Variants in CHRDL2 observed in about 807,000 individuals in gnomAD.
CHRDL2 encodes chordin like 2.
Under a neutral mutation model 54.3 loss-of-function variants are expected in CHRDL2, and 41 were observed. The ratio of observed to expected loss-of-function variants is 0.76; its 90% CI spans 0.59 to 0.98. The LOEUF is 0.98. Ranked by LOEUF, CHRDL2 falls within the 50% of genes least tolerant of loss-of-function variation. The probability of loss-of-function intolerance (pLI) is 0.00; values close to 1 mark genes in which losing one functional copy is unlikely to be tolerated. For synonymous variants in CHRDL2, 220 were observed against 224.3 expected (o/e 0.98, Z 0.17); for missense variants, 518 against 562.4 (o/e 0.92, Z 0.80).
Position 74,702,891 on chromosome 11 carries a change from G to A in CHRDL2, c.1023C>T (p.His341=), listed in dbSNP as rs780529465. The change falls in exon 9 of 11, where the codon CAC becomes CAT. Residue 341 remains histidine, a synonymous_variant. Coordinates refer to ENST00000376332, the MANE Select transcript of CHRDL2 (RefSeq NM_001278473.3). The part of the protein sequence containing the change: ...CPKAPGRVLV[H]TSVSPSPDNL... ...TGTCTGGGCTTGGGGATACCGATGT[G>A]TGGACGAGGACCCGGCCCGGTGCCT... 1.9e-6 allele frequency: 3 copies of A among 1,614,074 alleles called. No individual in the cohort carries two copies. Among genetic ancestry groups the A allele is most frequent in the Admixed American group, 1.7e-5 (1 of 60,004 alleles).
intron 1 of CHRDL2, among the ~76,000 whole-genome samples, chr11:74,728,623 T>G (rs1447102919): frequency 1.3e-5 from 2 of 152,080 alleles, no homozygotes; most frequent in African/African-American, 4.8e-5. Flanking sequence ...TTCCTCTCCC[T>G]CTCAGCCTCC....
At chr11:74,709,454 C>T (rs913787933) in intron 4 of CHRDL2, among the ~76,000 whole-genome samples, 2 of 152,182 alleles carry the variant, frequency 1.3e-5, no homozygotes, top group Non-Finnish European at 2.9e-5. Flanking sequence ...ATAGTGATAT[C>T]CTTCTCCTAG....
intron 5 of CHRDL2, among the ~76,000 whole-genome samples, chr11:74,707,385 C>T (rs2034044036): frequency 6.6e-6 from 1 of 152,228 alleles, no homozygotes; most frequent in South Asian, 2.1e-4. Flanking sequence ...GTGCCACCTC[C>T]TCCAGGAGGC....
At chr11:74,706,632 T>C in intron 5 of CHRDL2, 90 bp from the exon 6 acceptor site, 2 of 1,248,834 alleles carry the variant, frequency 1.6e-6, no homozygotes, top group Non-Finnish European at 2.3e-6. Context: ...GCTCTGTCCA[T>C]TCCCAAGGCC....
chr11:74,702,641 C>A, intron 9 of CHRDL2, 153 bp downstream of exon 9: 1 of 701,640 alleles, frequency 1.4e-6, no homozygotes, highest in South Asian at 1.8e-5. Flanking sequence ...GGCTCACTAT[C>A]TTCCTGCATC....
In CHRDL2 at chr11:74,731,272, G is replaced by A. The variant is rs1351070408; in HGVS notation, c.-384C>T. On this transcript the variant is annotated 5_prime_UTR_variant, in exon 1 of 11. Coordinates refer to ENST00000376332, the MANE Select transcript of CHRDL2 (RefSeq NM_001278473.3). The surrounding 1 kb of genome is among the most constrained non-coding windows in gnomAD (Gnocchi z 4.4). ...GGCGCGCGGGACCAGCGGGTGTTGC[G>A]GGCGCGCGGGCTAGAGGCGGCCGGC... The A allele has an allele frequency of 4.6e-5, 7 of 153,706 alleles. No homozygotes were observed. The highest frequency in any genetic ancestry group is 1.0e-4 in the Non-Finnish European group (7 of 69,418). The allele number at this position is 153,706 out of a possible 1,614,324, so 9.5% of individuals were successfully genotyped here.
intron 9 of CHRDL2, chr11:74,698,418 G>A (rs10219235): frequency 0.22 from 34,081 of 151,836 alleles, 4,031 homozygotes; most frequent in East Asian, 0.34. Context: ...TGTGCTCCAA[G>A]CCTTAGCTGG....
intron 1 of CHRDL2, among the ~76,000 whole-genome samples, chr11:74,729,868 T>C (rs1224488385): frequency 6.6e-6 from 1 of 152,128 alleles, no homozygotes; most frequent in Non-Finnish European, 1.5e-5. Flanking sequence ...CACCAGCCTA[T>C]TGTGGGCGCA....
At chr11:74,726,297 A>G (rs1050914332) in intron 1 of CHRDL2, among the ~76,000 whole-genome samples, 8 of 152,224 alleles carry the variant, frequency 5.3e-5, no homozygotes, top group Admixed American at 2.0e-4. Flanking sequence ...TGGGAAATTG[A>G]GTCCCAGAGA....
At chr11:74,703,077 T>A in intron 8 of CHRDL2, 110 bp from the exon 9 acceptor site, 1 of 1,176,152 alleles carries the variant, frequency 8.5e-7, no homozygotes, top group Non-Finnish European at 1.2e-6. Context: ...CATTACTGAT[T>A]CTATGTTAAC....
intron 3 of CHRDL2, among the ~76,000 whole-genome samples, 154 bp downstream of exon 3, chr11:74,713,232 T>C (rs1244160731): frequency 6.6e-6 from 1 of 152,196 alleles, no homozygotes; most frequent in Non-Finnish European, 1.5e-5. Context: ...TGCCTGGGGA[T>C]CTGGGATATT....
chr11:74,718,522 T>G (rs1018293266), intron 2 of CHRDL2, among the ~76,000 whole-genome samples, 198 bp downstream of exon 2: 2 of 152,206 alleles, frequency 1.3e-5, no homozygotes, highest in Non-Finnish European at 2.9e-5. Flanking sequence ...AATGTTTGTG[T>G]GACTTATCTT....
chr11:74,704,445 C>G, intron 7 of CHRDL2, 41 bp downstream of exon 7: 1 of 1,569,562 alleles, frequency 6.4e-7, no homozygotes, highest in South Asian at 1.2e-5. Flanking sequence ...TCAGGGCCCC[C>G]CTTCCCTGCC....
rs1478977515 is a variant in CHRDL2, at chr11:74,696,557, G to C, written c.1242C>G (p.Thr414=). The change falls in exon 11 of 11, where the codon ACC becomes ACG. Residue 414 remains threonine, a synonymous_variant. Coordinates refer to ENST00000376332, the MANE Select transcript of CHRDL2 (RefSeq NM_001278473.3). ...EGHWNVFLAQ[T]LELKVTASPD... ...GACTGGCCGTGACCTTCAGCTCCAG[G>C]GTCTGGGCTAGGAAGACGTTCCAGT... 1 of 1,614,066 alleles carries C rather than the reference G, an allele frequency of 6.2e-7. No individual in the cohort carries two copies. The highest frequency in any genetic ancestry group is 8.5e-7 in the Non-Finnish European group (1 of 1,179,998).
At chr11:74,723,853 C>T (rs770482952) in intron 1 of CHRDL2, among the ~76,000 whole-genome samples, 6 of 152,192 alleles carry the variant, frequency 3.9e-5, no homozygotes, top group Admixed American at 6.5e-5. Flanking sequence ...TCTGGAATTT[C>T]CAATTTAACA....
rs1191367357 is a variant in CHRDL2 at position 74,703,332 on chromosome 11, C to T, written c.919G>A (p.Ala307Thr). Residue 307 changes from alanine to threonine, a missense_variant, in exon 8 of 11, where the codon GCT becomes ACT. Coordinates refer to ENST00000376332, the MANE Select transcript of CHRDL2 (RefSeq NM_001278473.3). ...GGGCAAATCTTGCAGCACTTCCCAGCCACTTTCTCGGGGTGACGGCAGGGG... is the reference window on the plus strand; with the variant it reads ...GGGCAAATCTTGCAGCACTTCCCAGTCACTTTCTCGGGGTGACGGCAGGGG... ...EYPCRHPEKV[A>T]GKCCKICPED... is the part of the protein sequence containing the mutation. 1 of 1,610,048 alleles carries T rather than the reference C, an allele frequency of 6.2e-7. No individual in the cohort carries two copies. Among genetic ancestry groups the T allele is most frequent in the Admixed American group, 1.7e-5 (1 of 59,556 alleles).
At chr11:74,725,075 C>A (rs951300129) in intron 1 of CHRDL2, among the ~76,000 whole-genome samples, 18 of 151,938 alleles carry the variant, frequency 1.2e-4, no homozygotes, top group Non-Finnish European at 2.1e-4. Flanking sequence ...CTCACTGCAA[C>A]CTCCGCCTCC....
Position 74,720,784 on chromosome 11 carries a change from G to A in CHRDL2, c.83-1952C>T, listed in dbSNP as rs146204031. The stretch of plus-strand genomic sequence containing the variant: ...TCTCAGCACTGGGGGCTGGGCTGGC[G>A]TGCAGCCCCTGCCTGACACACGCCT... On this transcript the variant is annotated intron_variant, in intron 1 of 10. Transcript: ENST00000376332. Among the ~76,000 whole-genome samples, 324 of 152,308 alleles carry A rather than the reference G, an allele frequency of 2.1e-3. 3 individuals carry two copies. The highest frequency in any genetic ancestry group is 7.1e-3 in the African/African-American group (295 of 41,556).
At chr11:74,698,246 GTA>G (rs2033671673) in intron 9 of CHRDL2, 1 of 48,228 alleles carries the variant, frequency 2.1e-5, no homozygotes, top group Non-Finnish European at 4.4e-5. Context: ...TTTTTTTTTT[GTA>G]TTTTTAGTAG....
Sources: gnomAD v4.1 joint callset for allele counts (sites outside exome capture counted in the v4.1 genomes callset) on GRCh38, gnomAD v4.1.1 for gene constraint, Gnocchi (gnomAD v3.1) non-coding constraint, MANE v1.5 for transcripts, NCBI Gene and HGNC (gene_info 2026-07-23, HGNC 2026-07-21) for gene names.